SLC10A1: variants seen among roughly 807,000 people sequenced by gnomAD.
SLC10A1 encodes solute carrier family 10 member 1, also known as hepatic sodium/bile acid cotransporter.
SLC10A1 carries 36 observed loss-of-function variants against 20.5 expected under a neutral mutation model. The ratio of observed to expected loss-of-function variants is 1.75; its 90% confidence interval spans 1.34 to 2.32. The LOEUF (loss-of-function observed/expected upper bound fraction) is 2.32. Among genes scored for constraint, SLC10A1 ranks in the 30% most tolerant of loss-of-function variants. The probability of loss-of-function intolerance (pLI) is 0.00; values close to 1 mark genes in which losing one functional copy is unlikely to be tolerated. For synonymous variants in SLC10A1, 188 were observed against 163.6 expected, an observed-to-expected ratio of 1.15 and a Z score of -1.14; for missense variants, 545 against 439.1, an observed-to-expected ratio of 1.24 and a Z score of -2.16.
chr14:69,786,182 A>G lies in SLC10A1; in HGVS notation c.482T>C (p.Ile161Thr). The G allele has an allele frequency of 6.2e-7, 1 of 1,614,170 alleles. No individual in the cohort carries two copies. Among genetic ancestry groups the G allele is most frequent in the Non-Finnish European group, 8.5e-7 (1 of 1,180,028 alleles). Residue 161 changes from isoleucine (I) to threonine (T), a missense_variant, in exon 2 of 5, where the codon ATA becomes ACA. By Grantham distance (89) the Ile-to-Thr change is moderately conservative. Coordinates refer to ENST00000216540, the MANE Select transcript of SLC10A1 (RefSeq NM_003049.4). ...KDKVPYKGIV[I>T]SLVLVLIPCT... ...AGGAATGAGAACCAGGACCAGTGATATCACGATGCCTTTATAGGGCACCTT... is the reference window on the plus strand; with the variant it reads ...AGGAATGAGAACCAGGACCAGTGATGTCACGATGCCTTTATAGGGCACCTT...
intron 3 of SLC10A1, 28 bp downstream of exon 3, chr14:69,779,154 C>CT (rs756386640): frequency 6.5e-6 from 10 of 1,543,752 alleles, no homozygotes; most frequent in Non-Finnish European, 8.8e-6. Context: ...GAGTGAGACC[C>CT]TTTCTTAAAA....
chr14:69,781,871 A>G (rs1316569280), intron 2 of SLC10A1, among the ~76,000 whole-genome samples: 1 of 152,240 alleles, frequency 6.6e-6, no homozygotes, highest in African/African-American at 2.4e-5. Flanking sequence ...AGCGAATGCA[A>G]CTGGTTGAAC....
chr14:69,776,484 G>C, intron 4 of SLC10A1, 96 bp from the exon 5 acceptor site: 1 of 902,616 alleles, frequency 1.1e-6, no homozygotes, highest in Non-Finnish European at 1.8e-6. Flanking sequence ...TACCAACTCA[G>C]CCCTAGAGTG....
intron 1 of SLC10A1, among the ~76,000 whole-genome samples, chr14:69,791,539 A>G (rs1462467422): frequency 6.6e-6 from 1 of 152,206 alleles, no homozygotes; most frequent in Admixed American, 6.5e-5. Context: ...TGACCTCGTG[A>G]TCGGCCAGCC....
intron 2 of SLC10A1, among the ~76,000 whole-genome samples, chr14:69,782,535 T>C (rs1260971217): frequency 1.3e-5 from 2 of 152,116 alleles, no homozygotes; most frequent in Non-Finnish European, 1.5e-5. Flanking sequence ...CGGCAAGGTG[T>C]GGTGGCTCAC....
At chr14:69,776,412 G>T (rs373480905) in intron 4 of SLC10A1, 24 bp from the exon 5 acceptor site, 7 of 1,566,222 alleles carry the variant, frequency 4.5e-6, no homozygotes, top group Non-Finnish European at 6.2e-6. Context: ...AAGGGTTACA[G>T]GTGTAGAGAG....
chr14:69,776,731 C>G (rs769950209), intron 4 of SLC10A1, among the ~76,000 whole-genome samples: 4 of 152,238 alleles, frequency 2.6e-5, no homozygotes, highest in Non-Finnish European at 2.9e-5. Context: ...CAGGAAAGAT[C>G]TTCGAGAAAG....
chr14:69,787,565 C>T (rs569411313), intron 1 of SLC10A1, among the ~76,000 whole-genome samples: 1 of 152,238 alleles, frequency 6.6e-6, no homozygotes, highest in East Asian at 1.9e-4. Flanking sequence ...GAAGAGCAGC[C>T]TATATCAAAG....
At chr14:69,792,765 T>C (rs1180111546) in intron 1 of SLC10A1, among the ~76,000 whole-genome samples, 6 of 147,490 alleles carry the variant, frequency 4.1e-5, no homozygotes, top group Non-Finnish European at 8.9e-5. Flanking sequence ...GGAGAATGGA[T>C]AAATGCAAGC....
chr14:69,792,276 T>G (rs1197628362), intron 1 of SLC10A1, among the ~76,000 whole-genome samples: 1 of 152,200 alleles, frequency 6.6e-6, no homozygotes, highest in Non-Finnish European at 1.5e-5. Context: ...TCAGACATTA[T>G]TATCAAAGTG....
intron 1 of SLC10A1, among the ~76,000 whole-genome samples, chr14:69,790,719 G>A (rs756083971): frequency 6.6e-6 from 1 of 151,900 alleles, no homozygotes; most frequent in Non-Finnish European, 1.5e-5. Context: ...TTAACAAGAG[G>A]AATAAAGCAA....
intron 4 of SLC10A1, among the ~76,000 whole-genome samples, chr14:69,777,817 C>A (rs1030523452): frequency 6.6e-6 from 1 of 150,582 alleles, no homozygotes; most frequent in Non-Finnish European, 1.5e-5. Flanking sequence ...TCCTTTACTG[C>A]GTAACTAGAG....
At position 69,779,222 on chromosome 14, in the gene SLC10A1, G is replaced by A. The variant is rs750973744; in HGVS notation, c.706C>T (p.Leu236=). The change falls in exon 3 of 5, where the codon CTG becomes TTG. Residue 236 remains leucine, a synonymous_variant. Transcript: ENST00000216540. ...SSLMPFIGFL[L]GYVLSALFCL... is the part of the protein sequence containing the mutation. ...AAGAGAGCAGAGAGAACATAACCCA[G>A]CAGAAAGCCAATAAAAGGCATCAGG... 2.5e-6 allele frequency: 4 copies of A among 1,613,410 alleles called. No individual in the cohort carries two copies. The highest frequency in any genetic ancestry group is 1.3e-5 in the African/African-American group (1 of 74,908).
chr14:69,786,151 G>T lies in SLC10A1; in HGVS notation c.513C>A (p.Thr171=). ...GTTTGGATTTGAGGACGATCCCTAT[G>T]GTGCAAGGAATGAGAACCAGGACCA... ...ISLVLVLIPC[T]IGIVLKSKRP... Residue 171 remains threonine (T), a synonymous_variant, in exon 2 of 5, where the codon ACC becomes ACA. Transcript: ENST00000216540. The T allele has an allele frequency of 6.2e-7, 1 of 1,614,074 alleles. No homozygotes were observed. Among genetic ancestry groups the T allele is most frequent in the East Asian group, 2.2e-5 (1 of 44,868 alleles).
intron 3 of SLC10A1, among the ~76,000 whole-genome samples, chr14:69,778,753 G>T (rs548203155): frequency 8.5e-5 from 13 of 152,214 alleles, no homozygotes; most frequent in South Asian, 4.1e-4. Flanking sequence ...TGTCCAGTTA[G>T]TGCATCTGAA....
At chr14:69,788,385 G>A (rs1026558169) in intron 1 of SLC10A1, among the ~76,000 whole-genome samples, 2 of 151,968 alleles carry the variant, frequency 1.3e-5, no homozygotes, top group Admixed American at 6.6e-5. Flanking sequence ...TCTAAAGCAC[G>A]AACAGCCAAA....
chr14:69,789,185 AACC>A (rs1883788351), intron 1 of SLC10A1, among the ~76,000 whole-genome samples: 1 of 152,220 alleles, frequency 6.6e-6, no homozygotes, highest in African/African-American at 2.4e-5. Context: ...GTCACCATAT[AACC>A]CAGCAATTCT....
chr14:69,797,033 C>G lies in SLC10A1; in HGVS notation c.123G>C (p.Ser41=). ...TGCTGAACTCCATGGTGCAGCCCAG[C>G]GAGAGCATGATGAAGAACAACATGA... is the stretch of plus-strand genomic sequence containing the variant. ...LVFMLFFIML[S]LGCTMEFSKI... Residue 41 remains serine, a synonymous_variant, in exon 1 of 5, where the codon TCG becomes TCC. Coordinates refer to ENST00000216540, the MANE Select transcript of SLC10A1 (RefSeq NM_003049.4). 6.2e-7 allele frequency: 1 copy of G among 1,614,202 alleles called. No individual in the cohort carries two copies. Among genetic ancestry groups the G allele is most frequent in the Admixed American group, 1.7e-5 (1 of 60,030 alleles).
chr14:69,786,992 G>A (rs1385873421), intron 1 of SLC10A1, among the ~76,000 whole-genome samples: 3 of 152,300 alleles, frequency 2.0e-5, no homozygotes, highest in African/African-American at 4.8e-5. Flanking sequence ...AAAAGAAATA[G>A]TGAAGCAGTA....
Sources: gnomAD v4.1 joint callset for allele counts (sites outside exome capture counted in the v4.1 genomes callset) on GRCh38, gnomAD v4.1.1 for gene constraint, MANE v1.5 for transcripts, NCBI Gene and HGNC (gene_info 2026-07-23, HGNC 2026-07-21) for gene names.